Variants in KATNIP observed in about 807,000 individuals in gnomAD.
KATNIP encodes katanin interacting protein, also known as katanin-interacting protein.
In KATNIP, 126 loss-of-function variants were observed where a neutral mutation model predicts 174.0. The observed-to-expected ratio is 0.72, with a 90% CI of 0.63 to 0.84. The LOEUF is 0.84. Among genes scored for constraint, KATNIP ranks in the 40% least tolerant of loss-of-function variants. The pLI, the probability that KATNIP is intolerant of heterozygous loss-of-function variation, is 0.00. For missense variants in KATNIP, 1,958 were observed against 2,109.7 expected (o/e 0.93, Z 1.41); for synonymous variants, 810 against 835.7 (o/e 0.97, Z 0.53).
At chr16:27,561,434 C>A (rs1464044582) in intron 1 of KATNIP, among the ~76,000 whole-genome samples, 1 of 152,126 alleles carries the variant, frequency 6.6e-6, no homozygotes, top group African/African-American at 2.4e-5. Flanking sequence ...CTCTGCTCTC[C>A]CATTAGCATT....
intron 20 of KATNIP, among the ~76,000 whole-genome samples, chr16:27,767,110 G>A (rs1373943647): frequency 6.6e-6 from 1 of 152,074 alleles, no homozygotes; most frequent in Non-Finnish European, 1.5e-5. Context: ...GTGACTGAAT[G>A]GGTGCCCTCC....
intron 2 of KATNIP, among the ~76,000 whole-genome samples, chr16:27,612,363 G>A (rs148447490): frequency 2.9e-4 from 44 of 152,296 alleles, no homozygotes; most frequent in African/African-American, 5.5e-4. Flanking sequence ...CCATATGACT[G>A]TAGCTGGGGG....
intron 14 of KATNIP, among the ~76,000 whole-genome samples, chr16:27,729,613 A>G (rs895196381): frequency 3.0e-4 from 46 of 152,148 alleles, no homozygotes; most frequent in African/African-American, 1.1e-3. Flanking sequence ...ACTTAACCAC[A>G]TATCAAAGCT....
chr16:27,611,361 T>A (rs575031255), intron 2 of KATNIP, among the ~76,000 whole-genome samples: 1 of 152,212 alleles, frequency 6.6e-6, no homozygotes, highest in Non-Finnish European at 1.5e-5. Flanking sequence ...GTGCCTTAAG[T>A]ATTCATACAT....
chr16:27,672,424 C>A (rs1187875235), intron 6 of KATNIP, among the ~76,000 whole-genome samples: 1 of 152,126 alleles, frequency 6.6e-6, no homozygotes, highest in Non-Finnish European at 1.5e-5. Flanking sequence ...TCTGAAATGC[C>A]CCTGTTTATA....
At chr16:27,589,794 A>AT (rs1432585215) in intron 2 of KATNIP, among the ~76,000 whole-genome samples, 3 of 150,780 alleles carry the variant, frequency 2.0e-5, no homozygotes, top group Non-Finnish European at 4.4e-5. Flanking sequence ...ATTTTATTTT[A>AT]TTTATTTATT....
At chr16:27,738,761 G>T (rs1341517601) in intron 14 of KATNIP, among the ~76,000 whole-genome samples, 1 of 152,184 alleles carries the variant, frequency 6.6e-6, no homozygotes, top group Non-Finnish European at 1.5e-5. Flanking sequence ...GTCCTCACAC[G>T]GCATCCTCCT....
intron 13 of KATNIP, among the ~76,000 whole-genome samples, chr16:27,716,264 G>A (rs973424293): frequency 1.3e-5 from 2 of 152,142 alleles, no homozygotes; most frequent in African/African-American, 2.4e-5. Flanking sequence ...CAAATCTGAA[G>A]GCAGAAAGTA....
At chr16:27,555,734 G>C (rs1051941338) in intron 1 of KATNIP, among the ~76,000 whole-genome samples, 2 of 152,122 alleles carry the variant, frequency 1.3e-5, no homozygotes, top group Non-Finnish European at 2.9e-5. Context: ...CACTTGGGGG[G>C]CTGAGGCAGG....
chr16:27,775,123 C>A, intron 24 of KATNIP, 39 bp downstream of exon 24: 1 of 1,591,802 alleles, frequency 6.3e-7, no homozygotes, highest in Non-Finnish European at 8.5e-7. Flanking sequence ...TCCTGGCCCT[C>A]AGGCGGGCAG....
chr16:27,766,543 G>A lies in KATNIP; in HGVS notation c.3975+69G>A, dbSNP rs185937260. ...AGCAGCACCTTGATGAATGGCTGGC[G>A]TGGCAGCCAGAGAGGAGCATAAATC... On this transcript the variant is annotated intron_variant, in intron 20 of 27. Coordinates refer to ENST00000261588, the MANE Select transcript of KATNIP (RefSeq NM_015202.5). 1.1e-4 allele frequency: 167 copies of A among 1,474,734 alleles called. 1 individual carries two copies. The Admixed American group carries it at 2.3e-3, about 20-fold the overall frequency. 91.4% of individuals were successfully genotyped at this position (1,474,734 alleles called of 1,614,324 possible).
chr16:27,673,623 C>T (rs1307062888), intron 6 of KATNIP, among the ~76,000 whole-genome samples: 1 of 152,146 alleles, frequency 6.6e-6, no homozygotes, highest in Non-Finnish European at 1.5e-5. Flanking sequence ...AGCAGCATCC[C>T]TGGTGTCCAT....
chr16:27,597,442 G>T, intron 2 of KATNIP, among the ~76,000 whole-genome samples: 1 of 85,102 alleles, frequency 1.2e-5, no homozygotes, highest in Non-Finnish European at 2.2e-5. Flanking sequence ...ACCAGAAATG[G>T]TGTTACACTG....
chr16:27,769,740 T>A, intron 20 of KATNIP, 121 bp from the exon 21 acceptor site: 1 of 1,166,798 alleles, frequency 8.6e-7, no homozygotes, highest in Non-Finnish European at 1.2e-6. Flanking sequence ...CTCGGTCAGG[T>A]GGCTCTGCGA....
intron 1 of KATNIP, 92 bp downstream of exon 1, chr16:27,550,269 C>T: frequency 7.1e-7 from 1 of 1,410,606 alleles, no homozygotes; most frequent in Non-Finnish European, 9.7e-7. Flanking sequence ...CCATGAACCC[C>T]TGGACCACCA....
intron 14 of KATNIP, among the ~76,000 whole-genome samples, chr16:27,735,703 TCTC>T (rs2080872770): frequency 6.6e-6 from 1 of 152,190 alleles, no homozygotes; most frequent in Non-Finnish European, 1.5e-5. Context: ...GCCGGACAGT[TCTC>T]CTTCTAAATT....
In KATNIP at chr16:27,618,476, T is replaced by C. The variant is rs1399305284; in HGVS notation, c.115T>C (p.Leu39=). The C allele has an allele frequency of 3.1e-6, 5 of 1,613,146 alleles. No homozygotes were observed. The African/African-American group carries it at 6.7e-5, about 22-fold the overall frequency. The change falls in exon 3 of 28, where the codon TTA becomes CTA. Residue 39 remains leucine, a synonymous_variant. Transcript: ENST00000261588. The part of the protein sequence containing the change: ...TDFDEKHDEY[L]ILLQQRNRIL... ...CTTTGATGAGAAACATGATGAGTATTTAATATTGCTTCAGCAGAGGAACCG... is the reference window on the plus strand; with the variant it reads ...CTTTGATGAGAAACATGATGAGTATCTAATATTGCTTCAGCAGAGGAACCG...
intron 6 of KATNIP, among the ~76,000 whole-genome samples, chr16:27,667,389 G>A (rs1236139706): frequency 6.6e-6 from 1 of 152,142 alleles, no homozygotes; most frequent in African/African-American, 2.4e-5. Flanking sequence ...ACTCTTCAGT[G>A]CTGGGTAAAA....
intron 15 of KATNIP, among the ~76,000 whole-genome samples, chr16:27,745,009 C>G (rs1258684406): frequency 1.3e-5 from 2 of 152,070 alleles, no homozygotes; most frequent in African/African-American, 4.8e-5. Context: ...CAAGACAGAG[C>G]AGGATCCGAT....
Sources: allele counts gnomAD v4.1 joint callset (sites outside exome capture counted in the v4.1 genomes callset), GRCh38; gene constraint gnomAD v4.1.1; transcripts MANE v1.5; gene names NCBI Gene and HGNC (gene_info 2026-07-23, HGNC 2026-07-21).